LMTK2: variants seen among roughly 807,000 people sequenced by gnomAD.
The protein encoded by LMTK2 is lemur tail kinase 2, also known as serine/threonine-protein kinase LMTK2.
Under a neutral mutation model 127.5 loss-of-function variants are expected in LMTK2, and 37 were observed. The ratio of observed to expected loss-of-function variants is 0.29; its 90% CI spans 0.22 to 0.38. The LOEUF is 0.38. LMTK2 is among the 10% of genes least tolerant of loss of function. The pLI, the probability that LMTK2 is intolerant of heterozygous loss-of-function variation, is 1.00. For synonymous variants in LMTK2, 819 were observed against 810.1 expected (o/e 1.01, Z -0.19); for missense variants, 1,694 against 1,920.3 (o/e 0.88, Z 2.20).
chr7:98,157,935 C>A lies in LMTK2; in HGVS notation c.570-1403C>A, dbSNP rs1323986723. Among the ~76,000 whole-genome samples, 5 of 152,180 alleles carry A rather than the reference C, an allele frequency of 3.3e-5. No individual in the cohort carries two copies. In the East Asian group the frequency reaches 9.6e-4, roughly 29 times the overall value. ...TGCAGACCTGGCATGGAGCCCTGCACACACTTTATCACAGTGGCAGTTCCC... is the reference window on the plus strand; with the variant it reads ...TGCAGACCTGGCATGGAGCCCTGCAAACACTTTATCACAGTGGCAGTTCCC... On this transcript the variant is annotated intron_variant, in intron 5 of 13. Transcript: ENST00000297293.
At chr7:98,128,736 C>T (rs533416461) in intron 1 of LMTK2, among the ~76,000 whole-genome samples, 11 of 152,166 alleles carry the variant, frequency 7.2e-5, no homozygotes, top group Admixed American at 2.0e-4. Context: ...TTTGGATTCT[C>T]GCTTTGCCTG....
At chr7:98,167,422 G>T (rs1797117028) in intron 6 of LMTK2, among the ~76,000 whole-genome samples, 1 of 152,228 alleles carries the variant, frequency 6.6e-6, no homozygotes, top group East Asian at 1.9e-4. Context: ...CTGCTCAGGC[G>T]AATGGATGCA....
At chr7:98,150,714 A>C (rs1796840577) in intron 3 of LMTK2, among the ~76,000 whole-genome samples, 1 of 152,236 alleles carries the variant, frequency 6.6e-6, no homozygotes, top group Non-Finnish European at 1.5e-5. Flanking sequence ...CCAGATCTTG[A>C]TTGAATTTTA....
chr7:98,172,937 C>T (rs1797215297), intron 7 of LMTK2, among the ~76,000 whole-genome samples: 1 of 151,918 alleles, frequency 6.6e-6, no homozygotes, highest in South Asian at 2.1e-4. Flanking sequence ...TTTGTATTTT[C>T]AGTACAGATG....
intron 5 of LMTK2, among the ~76,000 whole-genome samples, chr7:98,158,835 T>C (rs1182308501): frequency 2.0e-5 from 3 of 152,204 alleles, no homozygotes; most frequent in East Asian, 3.9e-4. Context: ...GGGATGACTG[T>C]ATAGTCTGCC....
At chr7:98,152,748 A>G (rs940535501) in intron 4 of LMTK2, among the ~76,000 whole-genome samples, 8 of 152,156 alleles carry the variant, frequency 5.3e-5, no homozygotes, top group Non-Finnish European at 4.4e-5. Flanking sequence ...TTGAGAGATC[A>G]TGATGTAATT....
Position 98,193,875 on chromosome 7 carries a change from C to T in LMTK2, c.3410C>T (p.Pro1137Leu). Residue 1137 changes from proline to leucine, a missense_variant, in exon 11 of 14, where the codon CCC becomes CTC. Transcript: ENST00000297293. This position sits in a 1 kb window ranked among gnomAD's most constrained non-coding sequence, Gnocchi z 4.1. ...ALVLVQEQPL[P>L]EPVLPEQSPA... ...GTGTTGGTACAGGAGCAGCCCCTAC[C>T]CGAGCCAGTCCTCCCCGAGCAAAGT... is the stretch of plus-strand genomic sequence containing the variant. 6.2e-7 allele frequency: 1 copy of T among 1,614,050 alleles called. No homozygotes were observed. Among genetic ancestry groups the T allele is most frequent in the Non-Finnish European group, 8.5e-7 (1 of 1,180,016 alleles).
In LMTK2 at chr7:98,193,472, G is replaced by A. The variant is rs1797568980; in HGVS notation, c.3007G>A (p.Val1003Met). 6.2e-7 allele frequency: 1 copy of A among 1,614,058 alleles called. No homozygotes were observed. Among genetic ancestry groups the A allele is most frequent in the African/African-American group, 1.3e-5 (1 of 74,910 alleles). ...SLETPDSLES[V>M]DVHEALLDSL... is the part of the protein sequence containing the mutation. Reference sequence around the variant, plus strand: ...GGAAACCCCGGACTCTCTGGAGTCAGTGGATGTCCACGAAGCGCTACTGGA... The same window carrying A: ...GGAAACCCCGGACTCTCTGGAGTCAATGGATGTCCACGAAGCGCTACTGGA... Residue 1003 changes from valine to methionine, a missense_variant, in exon 11 of 14, where the codon GTG becomes ATG. By Grantham distance (21) the Val-to-Met change is conservative. Transcript: ENST00000297293. The surrounding 1 kb of genome is among the most constrained non-coding windows in gnomAD (Gnocchi z 4.1).
At chr7:98,128,081 T>C (rs534329314) in intron 1 of LMTK2, among the ~76,000 whole-genome samples, 1 of 151,996 alleles carries the variant, frequency 6.6e-6, no homozygotes, top group Admixed American at 6.6e-5. Flanking sequence ...GAGGTGGAGG[T>C]TGCAGTGAGC....
At chr7:98,141,976 C>T (rs1391357583) in intron 3 of LMTK2, among the ~76,000 whole-genome samples, 1 of 151,072 alleles carries the variant, frequency 6.6e-6, no homozygotes, top group Non-Finnish European at 1.5e-5. Context: ...AGGTTTGGTT[C>T]TGTGTTAGTT....
chr7:98,123,568 G>A (rs983443668), intron 1 of LMTK2, among the ~76,000 whole-genome samples: 1 of 151,970 alleles, frequency 6.6e-6, no homozygotes, highest in Non-Finnish European at 1.5e-5. Context: ...CTTCCTATGT[G>A]TCTAGATCTG....
chr7:98,140,194 G>C, intron 2 of LMTK2, among the ~76,000 whole-genome samples: 2 of 4,764 alleles, frequency 4.2e-4, no homozygotes, highest in Non-Finnish European at 8.1e-4. Context: ...TCTTCTTTCT[G>C]TCTTTGAGAT....
chr7:98,205,944 A>G lies in LMTK2; in HGVS notation c.*452A>G, dbSNP rs377284122. ...CCAGTGAGCCATATTTATTATTTCT[A>G]GAGAAATCACGAACTGCTTTCTGTA... On this transcript the variant is annotated 3_prime_UTR_variant, in exon 14 of 14. Transcript: ENST00000297293. 6.1e-6 allele frequency: 1 copy of G among 164,468 alleles called. No individual in the cohort carries two copies. The highest frequency in any genetic ancestry group is 1.3e-5 in the Non-Finnish European group (1 of 75,548). 10.2% of individuals were successfully genotyped at this position (164,468 alleles called of 1,614,324 possible).
At chr7:98,143,267 A>G (rs796751547) in intron 3 of LMTK2, among the ~76,000 whole-genome samples, 12 of 152,314 alleles carry the variant, frequency 7.9e-5, no homozygotes, top group African/African-American at 2.9e-4. Context: ...TATTTTTATC[A>G]TCTTGGGATA....
At chr7:98,114,869 CT>C (rs1296135824) in intron 1 of LMTK2, among the ~76,000 whole-genome samples, 1 of 152,034 alleles carries the variant, frequency 6.6e-6, no homozygotes, top group East Asian at 1.9e-4. Context: ...TTTAAAACCT[CT>C]TTGCGGACCC....
intron 11 of LMTK2, among the ~76,000 whole-genome samples, chr7:98,196,329 C>T (rs756983565): frequency 2.6e-5 from 4 of 152,148 alleles, no homozygotes; most frequent in Non-Finnish European, 5.9e-5. Flanking sequence ...CCTCTGAGCT[C>T]AGGGAGCCTG....
At chr7:98,166,244 T>C (rs1489143825) in intron 6 of LMTK2, among the ~76,000 whole-genome samples, 1 of 152,218 alleles carries the variant, frequency 6.6e-6, no homozygotes, top group African/African-American at 2.4e-5. Context: ...GTTGCTGCAG[T>C]GACAGGTCAT....
At chr7:98,145,564 A>G (rs1325316612) in intron 3 of LMTK2, among the ~76,000 whole-genome samples, 2 of 152,154 alleles carry the variant, frequency 1.3e-5, no homozygotes. Context: ...CTTTCCTTAT[A>G]GATTGCTGTG....
intron 4 of LMTK2, among the ~76,000 whole-genome samples, chr7:98,151,832 G>A (rs926414041): frequency 6.6e-6 from 1 of 152,208 alleles, no homozygotes; most frequent in Non-Finnish European, 1.5e-5. Context: ...TGAAGGAGCA[G>A]GGCAGCTCTC....
Sources: allele counts gnomAD v4.1 joint callset (sites outside exome capture counted in the v4.1 genomes callset), GRCh38; gene constraint gnomAD v4.1.1; non-coding constraint Gnocchi (gnomAD v3.1); transcripts MANE v1.5; gene names NCBI Gene and HGNC (gene_info 2026-07-23, HGNC 2026-07-21).